Variants in NTRK3 observed in about 807,000 individuals in gnomAD.
NTRK3 encodes neurotrophic receptor tyrosine kinase 3.
Under a neutral mutation model 91.7 loss-of-function variants are expected in NTRK3, and 24 were observed. The ratio of observed to expected loss-of-function variants is 0.26; its 90% CI spans 0.19 to 0.37. NTRK3 has a LOEUF of 0.37. NTRK3 is among the 10% of genes least tolerant of loss of function. NTRK3 has a pLI of 1.00. For synonymous variants in NTRK3, 483 were observed against 404.0 expected (o/e 1.20, Z -2.34); for missense variants, 880 against 1,068.9 (o/e 0.82, Z 2.46).
chr15:87,900,749 G>C (rs1031952844), intron 17 of NTRK3, among the ~76,000 whole-genome samples: 10 of 151,512 alleles, frequency 6.6e-5, no homozygotes, highest in Non-Finnish European at 1.5e-4. Context: ...CAGTGAAGGA[G>C]AGCATGGGCC....
At chr15:88,088,877 T>C (rs954176279) in intron 13 of NTRK3, among the ~76,000 whole-genome samples, 2 of 152,174 alleles carry the variant, frequency 1.3e-5, no homozygotes, top group Non-Finnish European at 2.9e-5. Context: ...GGTAGGCTGC[T>C]TAACCTCTCT....
intron 13 of NTRK3, among the ~76,000 whole-genome samples, chr15:88,075,586 CT>C (rs1248332998): frequency 1.3e-5 from 2 of 152,114 alleles, no homozygotes; most frequent in African/African-American, 4.8e-5. Flanking sequence ...AGAAGTCTCC[CT>C]TTTTTCTTTA....
chr15:88,220,518 G>C (rs911322900), intron 3 of NTRK3, among the ~76,000 whole-genome samples: 1 of 152,192 alleles, frequency 6.6e-6, no homozygotes, highest in African/African-American at 2.4e-5. Flanking sequence ...GGAAGCCTCG[G>C]ATCTGAAAAA....
intron 13 of NTRK3, among the ~76,000 whole-genome samples, chr15:88,047,050 A>C (rs906757622): frequency 6.6e-6 from 1 of 152,198 alleles, no homozygotes; most frequent in African/African-American, 2.4e-5. Flanking sequence ...TGACACCCAC[A>C]GGGCCATGTA....
At chr15:88,074,104 G>A (rs1195590638) in intron 13 of NTRK3, among the ~76,000 whole-genome samples, 2 of 152,166 alleles carry the variant, frequency 1.3e-5, no homozygotes, top group African/African-American at 2.4e-5. Flanking sequence ...CAAGCGCCAT[G>A]GAGCAAGCTT....
chr15:88,013,383 G>A (rs1452008363), intron 14 of NTRK3, among the ~76,000 whole-genome samples: 1 of 152,208 alleles, frequency 6.6e-6, no homozygotes, highest in African/African-American at 2.4e-5. Context: ...CAGTGTTGGT[G>A]GAAGAAATGC....
intron 13 of NTRK3, among the ~76,000 whole-genome samples, chr15:88,033,734 A>G (rs2078815416): frequency 1.3e-5 from 2 of 152,178 alleles, no homozygotes; most frequent in South Asian, 4.1e-4. Flanking sequence ...CCATGGAAAC[A>G]GCTGGAAAAT....
At chr15:88,076,168 G>T (rs534637475) in intron 13 of NTRK3, among the ~76,000 whole-genome samples, 2 of 152,212 alleles carry the variant, frequency 1.3e-5, no homozygotes, top group Non-Finnish European at 2.9e-5. Context: ...TATGGCAGAA[G>T]GCTAAGGTGG....
At chr15:88,094,413 G>A (rs1460976746) in intron 13 of NTRK3, among the ~76,000 whole-genome samples, 2 of 147,166 alleles carry the variant, frequency 1.4e-5, no homozygotes, top group African/African-American at 2.5e-5. Flanking sequence ...AGCTTGCAGT[G>A]AGCCGAGATT....
chr15:87,931,276 C>A (rs1309627753), intron 16 of NTRK3: 1 of 512,660 alleles, frequency 2.0e-6, no homozygotes, highest in Non-Finnish European at 3.9e-6. Flanking sequence ...GTAGGGCATG[C>A]CCTTTGGGCC....
At chr15:88,129,929 C>A (rs1043101874) in intron 10 of NTRK3, among the ~76,000 whole-genome samples, 2 of 152,096 alleles carry the variant, frequency 1.3e-5, no homozygotes, top group African/African-American at 4.8e-5. Context: ...TAGGGTGAGT[C>A]CTAATCAAAT....
intron 17 of NTRK3, among the ~76,000 whole-genome samples, chr15:87,914,288 T>C (rs1019831824): frequency 1.3e-5 from 2 of 152,198 alleles, no homozygotes; most frequent in Admixed American, 6.5e-5. Flanking sequence ...GTATTTTAAT[T>C]ATTGTGAGAC....
chr15:87,943,250 A>G (rs1191106426), intron 14 of NTRK3, among the ~76,000 whole-genome samples: 1 of 152,026 alleles, frequency 6.6e-6, no homozygotes, highest in Admixed American at 6.5e-5. Flanking sequence ...CAGCTGAAGA[A>G]GTTTACCTTT....
intron 10 of NTRK3, among the ~76,000 whole-genome samples, chr15:88,134,768 A>G (rs76681114): frequency 4.6e-5 from 7 of 152,330 alleles, no homozygotes; most frequent in East Asian, 1.9e-4. Context: ...AAAGCAAACT[A>G]TCAGGCCCAG....
intron 3 of NTRK3, among the ~76,000 whole-genome samples, chr15:88,223,100 G>A (rs936310209): frequency 1.3e-5 from 2 of 152,222 alleles, no homozygotes; most frequent in African/African-American, 4.8e-5. Context: ...TCCAGCCAGA[G>A]CTGCGGGCTC....
chr15:87,970,106 A>G (rs1294070551), intron 14 of NTRK3, among the ~76,000 whole-genome samples: 1 of 152,218 alleles, frequency 6.6e-6, no homozygotes, highest in Non-Finnish European at 1.5e-5. Context: ...CTAGCTACTC[A>G]GAGACAAATA....
intron 14 of NTRK3, among the ~76,000 whole-genome samples, chr15:88,020,276 AG>A (rs1019998455): frequency 6.6e-6 from 1 of 152,150 alleles, no homozygotes; most frequent in African/African-American, 2.4e-5. Flanking sequence ...GAGCCCACAG[AG>A]TTTCGGTCTC....
At chr15:88,006,385 G>A (rs997929672) in intron 14 of NTRK3, among the ~76,000 whole-genome samples, 8 of 152,218 alleles carry the variant, frequency 5.3e-5, no homozygotes, top group Admixed American at 5.2e-4. Context: ...AGTGGAGGCA[G>A]CTTTTCTCCT....
At chr15:87,878,277 TAA>T (rs2065043641) in intron 18 of NTRK3, among the ~76,000 whole-genome samples, 1 of 152,138 alleles carries the variant, frequency 6.6e-6, no homozygotes, top group African/African-American at 2.4e-5. Flanking sequence ...TCTAATTAGG[TAA>T]AAGCACTGTC....
Sources: allele counts gnomAD v4.1 joint callset (sites outside exome capture counted in the v4.1 genomes callset), GRCh38; gene constraint gnomAD v4.1.1; transcripts MANE v1.5; gene names NCBI Gene and HGNC (gene_info 2026-07-23, HGNC 2026-07-21).